The following COL9A3 variants were observed in gnomAD, a reference collection of about 807,000 sequenced individuals.
COL9A3 encodes the protein collagen alpha-3(IX) chain.
COL9A3 carries 82 observed loss-of-function variants against 110.2 expected under a neutral mutation model. The observed-to-expected ratio is 0.74, with a 90% confidence interval of 0.62 to 0.89. The LOEUF (loss-of-function observed/expected upper bound fraction) is 0.89, where lower values mean the gene tolerates loss of function less well. Ranked by LOEUF, COL9A3 falls within the 40% of genes least tolerant of loss-of-function variation. The probability of loss-of-function intolerance (pLI) is 0.00; values close to 1 mark genes in which losing one functional copy is unlikely to be tolerated. For synonymous variants in COL9A3, 494 were observed against 403.8 expected, an observed-to-expected ratio of 1.22 and a Z score of -2.68; for missense variants, 1,066 against 981.3, an observed-to-expected ratio of 1.09 and a Z score of -1.15.
Position 62,819,655 on chromosome 20 carries a change from T to C in COL9A3, c.256-274T>C, listed in dbSNP as rs527861642. On this transcript the variant is annotated intron_variant, in intron 4 of 31. Transcript: ENST00000649368. ...TTCGGAGGAAGCCGGGCCTGAGAAG[T>C]GAGCTGTCCAGTCCTGCTGGGTTGG... Among the ~76,000 whole-genome samples, 35 of 152,242 alleles carry C rather than the reference T, an allele frequency of 2.3e-4. No individual in the cohort carries two copies. The South Asian group carries it at 7.3e-3, about 32-fold the overall frequency.
At chr20:62,826,169 G>T in intron 13 of COL9A3, 35 bp from the exon 14 acceptor site, 1 of 1,548,146 alleles carries the variant, frequency 6.5e-7, no homozygotes. Flanking sequence ...TGGAGGTGCA[G>T]CCCCAGCCTC....
rs367793029 is a variant in COL9A3 at position 62,838,676 on chromosome 20, C to T, written c.1787-8C>T. On this transcript the variant is annotated splice_polypyrimidine_tract_variant and splice_region_variant and intron_variant, in intron 30 of 31. Transcript: ENST00000649368. The stretch of plus-strand genomic sequence containing the variant: ...TAACCATATGTCTGTGTCCACACCT[C>T]GTGACAGGAAACCAGGGTGACAGAG... 47 of 1,551,850 alleles carry T rather than the reference C, an allele frequency of 3.0e-5. No homozygotes were observed. The highest frequency in any genetic ancestry group is 7.8e-5 in the Admixed American group (4 of 51,024).
At chr20:62,818,658 G>T in intron 3 of COL9A3, 105 bp downstream of exon 3, 5 of 1,298,646 alleles carry the variant, frequency 3.9e-6, no homozygotes, top group Non-Finnish European at 5.5e-6. Context: ...GCCGGAGCCC[G>T]GGTTGCCTGA....
At chr20:62,818,488 A>G in intron 2 of COL9A3, 30 bp from the exon 3 acceptor site, 2 of 1,610,968 alleles carry the variant, frequency 1.2e-6, no homozygotes, top group Non-Finnish European at 1.7e-6. Flanking sequence ...CCTGATTTTC[A>G]GGGTTACATG....
At chr20:62,826,913 C>T (rs1180209152) in intron 15 of COL9A3, 93 bp downstream of exon 15, 3 of 1,421,856 alleles carry the variant, frequency 2.1e-6, no homozygotes, top group Non-Finnish European at 2.9e-6. Context: ...CCACTGGGGC[C>T]CCTCTTCTGT....
chr20:62,835,002 G>C (rs776051328), intron 26 of COL9A3, among the ~76,000 whole-genome samples: 1 of 152,234 alleles, frequency 6.6e-6, no homozygotes, highest in Non-Finnish European at 1.5e-5. Context: ...GCTGCCCTAC[G>C]TGGCCACTGT....
intron 22 of COL9A3, 105 bp from the exon 23 acceptor site, chr20:62,830,255 C>T (rs888867114): frequency 1.5e-6 from 2 of 1,351,346 alleles, no homozygotes; most frequent in African/African-American, 2.9e-5. Flanking sequence ...GAACCGGCTC[C>T]TGTGTCCACC....
chr20:62,820,869 G>T (rs905851820), intron 5 of COL9A3, among the ~76,000 whole-genome samples: 1 of 152,174 alleles, frequency 6.6e-6, no homozygotes, highest in African/African-American at 2.4e-5. Flanking sequence ...CAGGCTCCGT[G>T]GGTGGGTTAT....
At chr20:62,836,570 TC>T in intron 29 of COL9A3, 38 bp downstream of exon 29, 1 of 1,418,048 alleles carries the variant, frequency 7.1e-7, no homozygotes, top group Non-Finnish European at 9.4e-7. Flanking sequence ...GCGGGGCCCA[TC>T]CCCGCCTGGG....
In COL9A3 at chr20:62,836,211, C is replaced by T. The variant is rs747241280; in HGVS notation, c.1426C>T (p.Pro476Ser). Residue 476 changes from proline (P) to serine (S), a missense_variant, in exon 28 of 32, where the codon CCC (proline) becomes TCC (serine). Transcript: ENST00000649368. ...GESGSRGELG[P>S]KGTQGPNGTS... ...GTCTGGCAGTCGAGGGGAGCTGGGC[C>T]CCAAAGGCACCCAGGGTCCCAACGG... 7 of 1,613,384 alleles carry T rather than the reference C, an allele frequency of 4.3e-6. No homozygotes were observed. In the Admixed American group the frequency reaches 5.0e-5, roughly 12 times the overall value.
chr20:62,837,051 G>A (rs770423386), intron 29 of COL9A3, 32 bp from the exon 30 acceptor site: 51 of 1,609,916 alleles, frequency 3.2e-5, no homozygotes, highest in Middle Eastern at 1.7e-4. Context: ...ATCCTCTCTC[G>A]AGTAAACGCC....
Position 62,840,808 on chromosome 20 carries a change from G to C in COL9A3, c.*76G>C. 6.6e-7 allele frequency: 1 copy of C among 1,516,030 alleles called. No homozygotes were observed. The highest frequency in any genetic ancestry group is 9.0e-7 in the Non-Finnish European group (1 of 1,115,906). The allele number at this position is 1,516,030 out of a possible 1,614,324, so 93.9% of individuals were successfully genotyped here. On this transcript the variant is annotated 3_prime_UTR_variant, in exon 32 of 32. Transcript: ENST00000649368. ...GTCATGAAGGAGCGGGGGTGTGGCA[G>C]GCGGGTGACGTCCAGGAGAGGGAGC...
At chr20:62,836,851 C>G in intron 29 of COL9A3, 1 of 668,916 alleles carries the variant, frequency 1.5e-6, no homozygotes, top group Non-Finnish European at 2.6e-6. Flanking sequence ...TCCCTAAACA[C>G]CCCCAAGGGC....
intron 16 of COL9A3, 130 bp from the exon 17 acceptor site, chr20:62,827,793 G>C: frequency 1.1e-6 from 1 of 901,860 alleles, no homozygotes; most frequent in Middle Eastern, 2.5e-4. Flanking sequence ...AGGCCCCAGG[G>C]TGGTGGTCGG....
chr20:62,827,315 T>A, intron 16 of COL9A3, 21 bp downstream of exon 16: 2 of 1,612,294 alleles, frequency 1.2e-6, no homozygotes, highest in Non-Finnish European at 1.7e-6. Flanking sequence ...GGGAAGTTGG[T>A]TCCCTGGGTC....
intron 17 of COL9A3, among the ~76,000 whole-genome samples, 182 bp from the exon 18 acceptor site, chr20:62,828,581 GC>G (rs946567739): frequency 1.3e-5 from 2 of 152,238 alleles, no homozygotes; most frequent in African/African-American, 4.8e-5. Context: ...CCTCACCTGT[GC>G]GGTCACCGAG....
chr20:62,835,427 C>T (rs1453105023), intron 26 of COL9A3, among the ~76,000 whole-genome samples: 2 of 152,246 alleles, frequency 1.3e-5, no homozygotes, highest in African/African-American at 4.8e-5. Flanking sequence ...TGTTAGTTTA[C>T]TCCGGAGAGC....
chr20:62,830,639 A>T, intron 24 of COL9A3, 51 bp downstream of exon 24: 5 of 1,180,018 alleles, frequency 4.2e-6, no homozygotes, highest in Non-Finnish European at 4.6e-6. Flanking sequence ...CTACCCATGT[A>T]CCACAGTCCC....
At chr20:62,827,422 G>A in intron 16 of COL9A3, 128 bp downstream of exon 16, 2 of 921,352 alleles carry the variant, frequency 2.2e-6, no homozygotes, top group Non-Finnish European at 3.3e-6. Flanking sequence ...TGGGCCTGGG[G>A]GTGCGTGGGG....
Sources: allele counts gnomAD v4.1 joint callset (sites outside exome capture counted in the v4.1 genomes callset), GRCh38; gene constraint gnomAD v4.1.1; transcripts MANE v1.5; gene names NCBI Gene and HGNC (gene_info 2026-07-23, HGNC 2026-07-21).